The following POLR3A variants were observed in gnomAD, a reference collection of about 807,000 sequenced individuals.
The protein encoded by POLR3A is DNA-directed RNA polymerase III subunit RPC1.
In POLR3A, 112 loss-of-function variants were observed where a neutral mutation model predicts 152.8. The ratio of observed to expected loss-of-function variants is 0.73; its 90% CI spans 0.63 to 0.86. POLR3A has a LOEUF of 0.86. Among genes scored for constraint, POLR3A ranks in the 40% least tolerant of loss-of-function variants. POLR3A has a pLI of 0.00. For missense variants in POLR3A, 1,385 were observed against 1,743.1 expected (o/e 0.79, Z 3.66); for synonymous variants, 615 against 652.1 (o/e 0.94, Z 0.87).
At chr10:77,978,720 G>T (rs1217539113) in intron 30 of POLR3A, among the ~76,000 whole-genome samples, 1 of 150,948 alleles carries the variant, frequency 6.6e-6, no homozygotes, top group African/African-American at 2.5e-5. Flanking sequence ...GAGTGCAGTG[G>T]TGCAATCTCG....
intron 28 of POLR3A, 145 bp from the exon 29 acceptor site, chr10:77,981,704 A>G (rs181759491): frequency 3.0e-6 from 3 of 986,952 alleles, no homozygotes; most frequent in African/African-American, 3.2e-5. Context: ...TCAGTTGCAG[A>G]CCCACGGCAA....
At chr10:77,988,706 T>G (rs1847220583) in intron 21 of POLR3A, among the ~76,000 whole-genome samples, 1 of 152,162 alleles carries the variant, frequency 6.6e-6, no homozygotes. Flanking sequence ...TAACAGAATA[T>G]TCAAAGGCAT....
intron 9 of POLR3A, 40 bp downstream of exon 9, chr10:78,019,122 G>T: frequency 7.3e-7 from 1 of 1,361,872 alleles, no homozygotes; most frequent in Non-Finnish European, 1.1e-6. Context: ...GCTTTGCCAT[G>T]AGAAAGTAGT....
Position 78,005,384 on chromosome 10 carries a change from T to C in POLR3A, c.2075-496A>G, listed in dbSNP as rs113438557. On this transcript the variant is annotated intron_variant, in intron 15 of 30. Coordinates refer to ENST00000372371, the MANE Select transcript of POLR3A (RefSeq NM_007055.4). ...GTCCCAGCTACTTGGGAGGTGGAGG[T>C]TGCAATGAGCCATAATCACATCACT... is the stretch of plus-strand genomic sequence containing the variant. Among the ~76,000 whole-genome samples the C allele has an allele frequency of 1.9e-3, 285 of 152,228 alleles. 2 individuals carry two copies. Among genetic ancestry groups the C allele is most frequent in the African/African-American group, 5.9e-3 (247 of 41,540 alleles).
chr10:78,027,529 C>T (rs956083222), intron 1 of POLR3A, among the ~76,000 whole-genome samples: 5 of 151,622 alleles, frequency 3.3e-5, no homozygotes, highest in African/African-American at 1.2e-4. Context: ...CGTGATGGCC[C>T]ACACAATGGA....
In POLR3A at chr10:78,010,542, T is replaced by C; in HGVS notation, c.1573-2A>G. 1 of 1,613,212 alleles carries C rather than the reference T, an allele frequency of 6.2e-7. No individual in the cohort carries two copies. Among genetic ancestry groups the C allele is most frequent in the Non-Finnish European group, 8.5e-7 (1 of 1,179,114 alleles). ...CGGGGTTACAAGATTTGCTTTAGTCTGTAGGAAAAGTAAGCGCAGTCAGTT... is the reference window on the plus strand; with the variant it reads ...CGGGGTTACAAGATTTGCTTTAGTCCGTAGGAAAAGTAAGCGCAGTCAGTT... On this transcript the variant is annotated splice_acceptor_variant, in intron 11 of 30. Transcript: ENST00000372371. LOFTEE classifies it high-confidence loss of function.
At chr10:77,999,884 T>C in intron 19 of POLR3A, 97 bp downstream of exon 19, 2 of 1,239,334 alleles carry the variant, frequency 1.6e-6, no homozygotes, top group Non-Finnish European at 2.4e-6. Context: ...CAAGACTAGA[T>C]AAATTACAGC....
Position 78,025,119 on chromosome 10 carries a change from G to T in POLR3A, c.342C>A (p.His114Gln), listed in dbSNP as rs538367529. The T allele has an allele frequency of 5.0e-6, 8 of 1,614,204 alleles. No homozygotes were observed. In the African/African-American group the frequency reaches 1.1e-4, roughly 22 times the overall value. ...TCTTCTCCTCTTGGGACAGCATGAT[G>T]TGGCAGCAGGTTTTGCAGATCATCT... Reference protein sequence around the residue: ...ILQMICKTCCHIMLSQEEKKQ... With the variant: ...ILQMICKTCCQIMLSQEEKKQ... Residue 114 changes from histidine to glutamine, a missense_variant, in exon 4 of 31, where the codon CAC (histidine) becomes CAA (glutamine). His to Gln is a conservative substitution (Grantham distance 24, BLOSUM62 0). Transcript: ENST00000372371.
At chr10:77,982,877 T>C (rs1847161786) in intron 26 of POLR3A, 60 bp from the exon 27 acceptor site, 1 of 1,536,058 alleles carries the variant, frequency 6.5e-7, no homozygotes, top group Admixed American at 1.7e-5. Context: ...TTTATTTCAT[T>C]GTTGCCCCTC....
chr10:78,028,536 C>G (rs1012305418), intron 1 of POLR3A, among the ~76,000 whole-genome samples: 1 of 151,436 alleles, frequency 6.6e-6, no homozygotes, highest in African/African-American at 2.4e-5. Context: ...TTTGAGACAC[C>G]GTCTCACTCT....
intron 10 of POLR3A, among the ~76,000 whole-genome samples, chr10:78,014,208 C>T (rs1406525981): frequency 6.6e-6 from 1 of 151,020 alleles, no homozygotes; most frequent in Non-Finnish European, 1.5e-5. Context: ...TTAGATTGAA[C>T]CAAAGCAGTG....
Position 77,976,753 on chromosome 10 carries a change from G to A in POLR3A, c.*725C>T, listed in dbSNP as rs1337371122. ...TCACAGGGTAGAGCCCCATGATAGG[G>A]GTCTGAGGTAGATGAAAACAACAGG... On this transcript the variant is annotated 3_prime_UTR_variant, in exon 31 of 31. Transcript: ENST00000372371. 2.0e-5 allele frequency: 3 copies of A among 152,390 alleles called. No individual in the cohort carries two copies. Among genetic ancestry groups the A allele is most frequent in the Non-Finnish European group, 4.4e-5 (3 of 68,248 alleles). 9.4% of individuals were successfully genotyped at this position (152,390 alleles called of 1,614,324 possible).
chr10:78,001,097 G>A lies in POLR3A; in HGVS notation c.2360-3C>T. On this transcript the variant is annotated splice_polypyrimidine_tract_variant and splice_region_variant and intron_variant, in intron 17 of 30. Coordinates refer to ENST00000372371, the MANE Select transcript of POLR3A (RefSeq NM_007055.4). Reference sequence around the variant, plus strand: ...CTGTGATATGTTAATGAAGGAACCTGGGGACATGGACCAGAAATGTAACAT... The same window carrying A: ...CTGTGATATGTTAATGAAGGAACCTAGGGACATGGACCAGAAATGTAACAT... The A allele has an allele frequency of 7.5e-6, 11 of 1,471,924 alleles. No homozygotes were observed. Among genetic ancestry groups the A allele is most frequent in the Non-Finnish European group, 1.0e-5 (11 of 1,051,384 alleles). 91.2% of individuals were successfully genotyped at this position (1,471,924 alleles called of 1,614,324 possible).
In POLR3A at chr10:78,010,089, A is replaced by AGCGT. The variant is rs941589108; in HGVS notation, c.1643-102_1643-99dup. On this transcript the variant is annotated intron_variant, in intron 12 of 30. Transcript: ENST00000372371. ...AAAATAAATTTGAACCATGACCAAC[A>AGCGT]GCGTGAATTGAAACAAACAGCTGCT... is the stretch of plus-strand genomic sequence containing the variant. The AGCGT allele has an allele frequency of 2.0e-6, 3 of 1,475,030 alleles. No individual in the cohort carries two copies. The African/African-American group carries it at 4.2e-5, about 21-fold the overall frequency. The allele number at this position is 1,475,030 out of a possible 1,614,324, so 91.4% of individuals were successfully genotyped here. A position where few individuals can be genotyped will look rare whatever the true frequency, so the allele number is the denominator to read the frequency against.
In POLR3A at chr10:78,002,237, C is replaced by G; in HGVS notation, c.2319G>C (p.Lys773Asn). Residue 773 changes from lysine (K) to asparagine (N), a missense_variant, in exon 17 of 31, where the codon AAG becomes AAC. This residue lies in a region of POLR3A where 170 missense variants were observed against 231.2 expected (regional missense o/e 0.74). Coordinates refer to ENST00000372371, the MANE Select transcript of POLR3A (RefSeq NM_007055.4). ...GAGCCATGGTGAGGGGGCTGTTGCT[C>G]TTGTCCAGCTCCCGGAGGCAGGCAC... ...AGSACLRELDKSNSPLTMALC... is the reference protein window; with the variant it reads ...AGSACLRELDNSNSPLTMALC... 2 of 1,602,150 alleles carry G rather than the reference C, an allele frequency of 1.2e-6. No homozygotes were observed. Among genetic ancestry groups the G allele is most frequent in the East Asian group, 4.5e-5 (2 of 44,580 alleles).
At chr10:78,012,719 G>A (rs1005959810) in intron 11 of POLR3A, among the ~76,000 whole-genome samples, 2 of 147,156 alleles carry the variant, frequency 1.4e-5, no homozygotes, top group Non-Finnish European at 3.0e-5. Context: ...GTGCCAACAG[G>A]TTTTTTTTTT....
At chr10:78,027,759 A>G (rs2131963075) in intron 1 of POLR3A, among the ~76,000 whole-genome samples, 1 of 152,240 alleles carries the variant, frequency 6.6e-6, no homozygotes, top group Admixed American at 6.5e-5. Context: ...AGGTTTTACC[A>G]TATTGGCCAG....
intron 8 of POLR3A, 125 bp from the exon 9 acceptor site, chr10:78,019,390 C>T (rs1319748191): frequency 1.2e-5 from 9 of 737,978 alleles, no homozygotes; most frequent in South Asian, 5.8e-5. Context: ...GCATCCTGGG[C>T]AGCCTGCTGC....
chr10:78,029,446 G>A lies in POLR3A; in HGVS notation c.-39C>T, dbSNP rs868792232. On this transcript the variant is annotated 5_prime_UTR_variant, in exon 1 of 31. Transcript: ENST00000372371. ...GGGACGCCTCCTTGGCACTCGGGAG[G>A]CCAGATTAGAGAAACGATGCCCCCA... 3 of 1,611,870 alleles carry A rather than the reference G, an allele frequency of 1.9e-6. No homozygotes were observed. Among genetic ancestry groups the A allele is most frequent in the East Asian group, 2.2e-5 (1 of 44,848 alleles).
Sources: allele counts gnomAD v4.1 joint callset (sites outside exome capture counted in the v4.1 genomes callset), GRCh38; gene constraint gnomAD v4.1.1; regional missense constraint gnomAD v4.1.1; transcripts MANE v1.5; gene names NCBI Gene and HGNC (gene_info 2026-07-23, HGNC 2026-07-21).